The following COP1 variants were observed in gnomAD, a reference collection of about 807,000 sequenced individuals.
COP1 encodes COP1 E3 ubiquitin ligase.
Under a neutral mutation model 101.3 loss-of-function variants are expected in COP1, and 24 were observed. The observed-to-expected ratio is 0.24, with a 90% CI of 0.17 to 0.33. The LOEUF is 0.33. Among genes scored for constraint, COP1 ranks in the 10% least tolerant of loss-of-function variants. The probability of loss-of-function intolerance (pLI) is 1.00; values close to 1 mark genes in which losing one functional copy is unlikely to be tolerated. For synonymous variants in COP1, 347 were observed against 341.9 expected (o/e 1.01, Z -0.17); for missense variants, 663 against 906.2 (o/e 0.73, Z 3.45).
intron 15 of COP1, among the ~76,000 whole-genome samples, chr1:176,014,641 C>G (rs961292364): frequency 6.6e-6 from 1 of 152,112 alleles, no homozygotes; most frequent in African/African-American, 2.4e-5. Flanking sequence ...TTACTTATCA[C>G]TCTCTGAATT....
chr1:176,119,366 G>C (rs1182926464), intron 8 of COP1, among the ~76,000 whole-genome samples: 1 of 152,060 alleles, frequency 6.6e-6, no homozygotes, highest in Non-Finnish European at 1.5e-5. Context: ...AGAATTCTGT[G>C]ACTGTAAGCC....
chr1:176,040,530 A>G (rs1269959534), intron 14 of COP1, among the ~76,000 whole-genome samples: 2 of 152,138 alleles, frequency 1.3e-5, no homozygotes, highest in East Asian at 3.9e-4. Flanking sequence ...GGCTGGTCTC[A>G]AACTTCTGAC....
At position 176,085,836 on chromosome 1, in the gene COP1, T is replaced by A. The variant is rs1015214834; in HGVS notation, c.1081A>T (p.Thr361Ser). 1.6e-5 allele frequency: 26 copies of A among 1,608,560 alleles called. No individual in the cohort carries two copies. The highest frequency in any genetic ancestry group is 2.1e-5 in the Non-Finnish European group (25 of 1,176,138). Residue 361 changes from threonine (T) to serine (S), a missense_variant, in exon 10 of 20, where the codon ACT becomes TCT. Coordinates refer to ENST00000367669, the MANE Select transcript of COP1 (RefSeq NM_022457.7). The stretch of plus-strand genomic sequence containing the variant: ...TGCTCCAAGTCTTCAAAATGAGCAG[T>A]AAGTCGTTTTCGTCTTGATGCTAAC... ...STLASRRKRLTAHFEDLEQCY... is the reference protein window; with the variant it reads ...STLASRRKRLSAHFEDLEQCY...
intron 11 of COP1, among the ~76,000 whole-genome samples, chr1:176,070,337 T>C (rs1676745576): frequency 6.6e-6 from 1 of 150,866 alleles, no homozygotes; most frequent in Admixed American, 6.6e-5. Context: ...GTGCTGCCTT[T>C]TTTTTTTTTT....
intron 3 of COP1, among the ~76,000 whole-genome samples, chr1:176,170,907 C>T (rs575758591): frequency 1.3e-5 from 2 of 152,026 alleles, no homozygotes; most frequent in Non-Finnish European, 2.9e-5. Context: ...TGGTGGATCA[C>T]GAGGTCAGGA....
chr1:176,029,827 T>C (rs1280951539), intron 14 of COP1, among the ~76,000 whole-genome samples: 3 of 152,236 alleles, frequency 2.0e-5, no homozygotes, highest in Non-Finnish European at 4.4e-5. Context: ...GAATTTAATA[T>C]GTGAAATCTC....
At chr1:176,104,142 G>A (rs957396704) in intron 9 of COP1, among the ~76,000 whole-genome samples, 1 of 152,032 alleles carries the variant, frequency 6.6e-6, no homozygotes, top group Non-Finnish European at 1.5e-5. Flanking sequence ...CTAGTCATTT[G>A]GATGGATGAA....
At chr1:176,061,491 T>A (rs2149298596) in intron 11 of COP1, among the ~76,000 whole-genome samples, 1 of 152,294 alleles carries the variant, frequency 6.6e-6, no homozygotes, top group African/African-American at 2.4e-5. Flanking sequence ...CTAGGCATGG[T>A]GGCGTGCGCC....
At chr1:176,050,885 G>A (rs1426062917) in intron 11 of COP1, among the ~76,000 whole-genome samples, 1 of 152,172 alleles carries the variant, frequency 6.6e-6, no homozygotes, top group East Asian at 1.9e-4. Context: ...CAGAGTCTAT[G>A]CTCTCAATCA....
At chr1:176,090,436 A>G (rs1014379503) in intron 9 of COP1, among the ~76,000 whole-genome samples, 12 of 152,176 alleles carry the variant, frequency 7.9e-5, no homozygotes, top group African/African-American at 2.9e-4. Context: ...AACTTCTTTA[A>G]ATATTTTATA....
intron 11 of COP1, among the ~76,000 whole-genome samples, chr1:176,080,013 CAG>C: frequency 6.6e-6 from 1 of 151,330 alleles, no homozygotes; most frequent in South Asian, 2.1e-4. Flanking sequence ...AAATCAGTAA[CAG>C]AAAGATAACT....
In COP1 at chr1:176,175,909, C is replaced by A; in HGVS notation, c.565+1G>T. The A allele has an allele frequency of 6.8e-7, 1 of 1,478,880 alleles. No homozygotes were observed. Among genetic ancestry groups the A allele is most frequent in the Non-Finnish European group, 9.4e-7 (1 of 1,068,220 alleles). The allele number at this position is 1,478,880 out of a possible 1,614,324, so 91.6% of individuals were successfully genotyped here. A position where few individuals can be genotyped will look rare whatever the true frequency, so the allele number is the denominator to read the frequency against. On this transcript the variant is annotated splice_donor_variant, in intron 3 of 19. Transcript: ENST00000367669. LOFTEE classifies it high-confidence loss of function. The stretch of plus-strand genomic sequence containing the variant: ...AAATAAAAATCATTCCAAAGACTCA[C>A]CCAAGAAATTAGGATACAGATGGTC...
chr1:176,103,385 T>C (rs942837978), intron 9 of COP1, among the ~76,000 whole-genome samples: 2 of 152,166 alleles, frequency 1.3e-5, no homozygotes, highest in Admixed American at 6.5e-5. Flanking sequence ...TAAAACTCTA[T>C]AAAGCTCCTA....
intron 18 of COP1, among the ~76,000 whole-genome samples, chr1:175,972,141 T>C (rs1653366157): frequency 6.6e-6 from 1 of 152,026 alleles, no homozygotes. Flanking sequence ...CAACAACAAA[T>C]ACAAAAGGTG....
At chr1:176,003,714 C>G (rs1319305617) in intron 15 of COP1, among the ~76,000 whole-genome samples, 1 of 152,016 alleles carries the variant, frequency 6.6e-6, no homozygotes, top group Non-Finnish European at 1.5e-5. Context: ...ATCTATATTT[C>G]TGTTTTGGTA....
At chr1:175,998,733 T>C (rs1480745607) in intron 15 of COP1, among the ~76,000 whole-genome samples, 1 of 152,084 alleles carries the variant, frequency 6.6e-6, no homozygotes, top group Admixed American at 6.6e-5. Context: ...TAATTAAAAT[T>C]TGGAAGGAAC....
chr1:176,105,039 T>C (rs1558118659), intron 9 of COP1, among the ~76,000 whole-genome samples: 3 of 152,126 alleles, frequency 2.0e-5, no homozygotes. Flanking sequence ...GAAAAAAAAT[T>C]ACTAGAAAGC....
chr1:176,007,951 C>T (rs536566371), intron 15 of COP1, among the ~76,000 whole-genome samples: 14 of 152,288 alleles, frequency 9.2e-5, no homozygotes, highest in Non-Finnish European at 1.6e-4. Flanking sequence ...GCCTCGCTGC[C>T]GCCTTGCAGT....
At chr1:176,006,912 G>A (rs1324368616) in intron 15 of COP1, among the ~76,000 whole-genome samples, 1 of 151,942 alleles carries the variant, frequency 6.6e-6, no homozygotes, top group Non-Finnish European at 1.5e-5. Flanking sequence ...CTAGATTGGG[G>A]AAGTTCTACT....
Sources: gnomAD v4.1 joint callset for allele counts (sites outside exome capture counted in the v4.1 genomes callset) on GRCh38, gnomAD v4.1.1 for gene constraint, MANE v1.5 for transcripts, NCBI Gene and HGNC (gene_info 2026-07-23, HGNC 2026-07-21) for gene names.